GGNBP2: variants seen among roughly 807,000 people sequenced by gnomAD.
GGNBP2 encodes gametogenetin-binding protein 2.
In GGNBP2, 10 loss-of-function variants were observed where a neutral mutation model predicts 85.9. The observed-to-expected ratio is 0.12, with a 90% CI of 0.07 to 0.20. The LOEUF (loss-of-function observed/expected upper bound fraction) is 0.20. GGNBP2 is among the 10% of genes least tolerant of loss of function. The probability of loss-of-function intolerance (pLI) is 1.00; values close to 1 mark genes in which losing one functional copy is unlikely to be tolerated. For synonymous variants in GGNBP2, 287 were observed against 285.7 expected, an observed-to-expected ratio of 1.00 and a Z score of -0.05; for missense variants, 595 against 857.8, an observed-to-expected ratio of 0.69 and a Z score of 3.83.
intron 6 of GGNBP2, among the ~76,000 whole-genome samples, chr17:36,572,280 A>G (rs1555606937): frequency 6.6e-6 from 1 of 152,168 alleles, no homozygotes; most frequent in African/African-American, 2.4e-5. Context: ...TTACCTGAAA[A>G]TGTGAACTTG....
chr17:36,566,982 ATAG>A (rs926000207), intron 5 of GGNBP2, among the ~76,000 whole-genome samples: 1 of 152,084 alleles, frequency 6.6e-6, no homozygotes, highest in African/African-American at 2.4e-5. Flanking sequence ...GCTGGGCAAC[ATAG>A]TAGAGACCTT....
intron 6 of GGNBP2, chr17:36,574,986 C>T (rs1182293217): frequency 1.3e-5 from 20 of 1,526,684 alleles, no homozygotes; most frequent in Non-Finnish European, 1.6e-5. Flanking sequence ...GTGCGCTGGC[C>T]GGCACGGGTC....
intron 2 of GGNBP2, among the ~76,000 whole-genome samples, chr17:36,550,504 G>A (rs573513663): frequency 6.6e-6 from 1 of 152,280 alleles, no homozygotes; most frequent in Admixed American, 6.5e-5. Context: ...ATTTTACTGA[G>A]GGTGATAGAT....
intron 4 of GGNBP2, among the ~76,000 whole-genome samples, chr17:36,559,348 G>A (rs1030300619): frequency 1.3e-5 from 2 of 149,436 alleles, no homozygotes; most frequent in Non-Finnish European, 3.0e-5. Flanking sequence ...ACCATTTACC[G>A]AGAGGGACGA....
intron 6 of GGNBP2, among the ~76,000 whole-genome samples, chr17:36,572,302 C>G (rs1413375850): frequency 2.0e-5 from 3 of 152,066 alleles, no homozygotes; most frequent in Non-Finnish European, 4.4e-5. Flanking sequence ...TGTTTATAAC[C>G]TGAAAATGTG....
rs1199615496 is a variant in GGNBP2, at chr17:36,554,880, C to G, written c.154C>G (p.Gln52Glu). The stretch of plus-strand genomic sequence containing the variant: ...CGATGGACATCAGAATAATGGTGCA[C>G]AGCTAAAGCAGTTCATTCAGGTAAT... ...NLDGHQNNGA[Q>E]LKQFIQRHGM... Residue 52 changes from glutamine to glutamate, a missense_variant, in exon 3 of 14, where the codon CAG (glutamine) becomes GAG (glutamate). This residue lies in a region of GGNBP2 where 216 missense variants were observed against 293.4 expected (regional missense o/e 0.74). Coordinates refer to ENST00000613102, the MANE Select transcript of GGNBP2 (RefSeq NM_024835.5). 1 of 1,601,128 alleles carries G rather than the reference C, an allele frequency of 6.2e-7. No individual in the cohort carries two copies. The highest frequency in any genetic ancestry group is 1.1e-5 in the South Asian group (1 of 90,790).
chr17:36,577,854 A>G, intron 6 of GGNBP2, 129 bp from the exon 7 acceptor site: 1 of 727,228 alleles, frequency 1.4e-6, no homozygotes. Context: ...GTATGTTTTA[A>G]ATGTGTGTAT....
chr17:36,587,540 G>T, intron 13 of GGNBP2: 3 of 316,020 alleles, frequency 9.5e-6, no homozygotes, highest in Non-Finnish European at 1.8e-5. Context: ...AAAATACTGC[G>T]AGTTGAAAAT....
intron 2 of GGNBP2, chr17:36,546,254 C>A (rs534079133): frequency 6.5e-6 from 2 of 306,614 alleles, no homozygotes; most frequent in South Asian, 1.5e-4. Flanking sequence ...TGGTAGCTCT[C>A]ACCACATAAG....
At chr17:36,576,576 A>ATAT (rs2074586558) in intron 6 of GGNBP2, 1 of 30,186 alleles carries the variant, frequency 3.3e-5, no homozygotes, top group African/African-American at 1.0e-4. Flanking sequence ...AAAAAAAAAA[A>ATAT]AAAAAAAAAT....
intron 4 of GGNBP2, among the ~76,000 whole-genome samples, chr17:36,558,144 T>G (rs2074381271): frequency 6.6e-6 from 1 of 151,760 alleles, no homozygotes; most frequent in South Asian, 2.1e-4. Context: ...CTGGGCGCGG[T>G]GGCTCACGCC....
At chr17:36,585,795 A>G in intron 10 of GGNBP2, 45 bp from the exon 11 acceptor site, 1 of 1,556,070 alleles carries the variant, frequency 6.4e-7, no homozygotes, top group Non-Finnish European at 8.8e-7. Context: ...GTCCTAATAT[A>G]CTTATTGGTA....
At position 36,566,334 on chromosome 17, in the gene GGNBP2, G is replaced by A. The variant is rs59126323; in HGVS notation, c.528-1329G>A. On this transcript the variant is annotated intron_variant, in intron 5 of 13. Transcript: ENST00000613102. Reference sequence around the variant, plus strand: ...ACTGAAGTTGAACCCTGTTGGGGAGGGAGAGTGGGAAGTTTTTAGTAAGTT... The same window carrying A: ...ACTGAAGTTGAACCCTGTTGGGGAGAGAGAGTGGGAAGTTTTTAGTAAGTT... Among the ~76,000 whole-genome samples, 669 of 152,210 alleles carry A rather than the reference G, an allele frequency of 4.4e-3. 8 individuals carry two copies. Among genetic ancestry groups the A allele is most frequent in the African/African-American group, 0.016 (657 of 41,532 alleles).
At position 36,586,868 on chromosome 17, in the gene GGNBP2, C is replaced by T. The variant is rs2074706721; in HGVS notation, c.1642-129C>T. Reference sequence around the variant, plus strand: ...ACTTGACCTCAGGTGATCCACCTGCCTCGGCCTCCCAAAATGTTGAGATTG... The same window carrying T: ...ACTTGACCTCAGGTGATCCACCTGCTTCGGCCTCCCAAAATGTTGAGATTG... On this transcript the variant is annotated intron_variant, in intron 12 of 13. Coordinates refer to ENST00000613102, the MANE Select transcript of GGNBP2 (RefSeq NM_024835.5). 4 of 880,458 alleles carry T rather than the reference C, an allele frequency of 4.5e-6. No individual in the cohort carries two copies. The South Asian group carries it at 7.3e-5, about 16-fold the overall frequency. The allele number at this position is 880,458 out of a possible 1,614,324, so 54.5% of individuals were successfully genotyped here.
At position 36,545,638 on chromosome 17, in the gene GGNBP2, G is replaced by A; in HGVS notation, c.-87G>A. 2.0e-6 allele frequency: 2 copies of A among 1,025,598 alleles called. No homozygotes were observed. The highest frequency in any genetic ancestry group is 3.0e-6 in the Non-Finnish European group (2 of 673,760). 63.5% of individuals were successfully genotyped at this position (1,025,598 alleles called of 1,614,324 possible). On this transcript the variant is annotated 5_prime_UTR_variant, in exon 2 of 14. Coordinates refer to ENST00000613102, the MANE Select transcript of GGNBP2 (RefSeq NM_024835.5). The stretch of plus-strand genomic sequence containing the variant: ...TTGCAGGCAGGAGCTGGGAGGAGGC[G>A]GCAGCGGCGGCGGCAGAAACAGCAG...
chr17:36,577,427 A>G (rs1271848263), intron 6 of GGNBP2: 2 of 153,056 alleles, frequency 1.3e-5, no homozygotes, highest in African/African-American at 4.8e-5. Flanking sequence ...AAATAATCAG[A>G]AAATTAAAAA....
chr17:36,559,254 G>A (rs1051811616), intron 4 of GGNBP2, among the ~76,000 whole-genome samples: 14 of 139,350 alleles, frequency 1.0e-4, no homozygotes, highest in South Asian at 4.6e-4. Flanking sequence ...GCAAGATTGC[G>A]CCACTGCAGT....
chr17:36,585,111 G>T (rs1449614083), intron 9 of GGNBP2, among the ~76,000 whole-genome samples, 189 bp from the exon 10 acceptor site: 1 of 152,182 alleles, frequency 6.6e-6, no homozygotes, highest in South Asian at 2.1e-4. Flanking sequence ...ACTTTGGTTA[G>T]TACTGTCTTG....
intron 5 of GGNBP2, among the ~76,000 whole-genome samples, chr17:36,566,517 T>A (rs531036421): frequency 3.2e-4 from 48 of 151,252 alleles, no homozygotes; most frequent in African/African-American, 1.1e-3. Flanking sequence ...ATACAAAAAA[T>A]AAAAAAATAA....
Sources: gnomAD v4.1 joint callset for allele counts (sites outside exome capture counted in the v4.1 genomes callset) on GRCh38, gnomAD v4.1.1 for gene constraint, gnomAD v4.1.1 regional missense constraint, MANE v1.5 for transcripts, NCBI Gene and HGNC (gene_info 2026-07-23, HGNC 2026-07-21) for gene names.